The following SPECC1 variants were observed in gnomAD, a reference collection of about 807,000 sequenced individuals.
SPECC1 encodes the protein cytospin-B.
In SPECC1, 62 loss-of-function variants were observed where a neutral mutation model predicts 104.1. The observed-to-expected ratio is 0.60, with a 90% confidence interval of 0.49 to 0.74. The LOEUF is 0.74. Ranked by LOEUF, SPECC1 falls within the 30% of genes least tolerant of loss-of-function variation. SPECC1 has a pLI of 0.00. For missense variants in SPECC1, 1,306 were observed against 1,310.5 expected (o/e 1.00, Z 0.05); for synonymous variants, 513 against 501.6 (o/e 1.02, Z -0.30).
At chr17:20,015,826 C>T (rs1190904771) in intron 1 of SPECC1, among the ~76,000 whole-genome samples, 4 of 149,772 alleles carry the variant, frequency 2.7e-5, no homozygotes, top group African/African-American at 9.7e-5. Context: ...CCTCGTGATC[C>T]GCCCGCCTCG....
chr17:20,271,757 C>CCCCTTTGTTTTTTTTT lies in SPECC1; in HGVS notation c.2940+11485_2940+11500dup, dbSNP rs954676432. On this transcript the variant is annotated intron_variant, in intron 12 of 14. Transcript: ENST00000395527. The stretch of plus-strand genomic sequence containing the variant: ...TATCCTACATCCTATTCTTTTTTTT[C>CCCCTTTGTTTTTTTTT]CCCTTTGTTTTTTTTTCCCTTTGTT... Among the ~76,000 whole-genome samples, 4 of 151,644 alleles carry CCCCTTTGTTTTTTTTT rather than the reference C, an allele frequency of 2.6e-5. No individual in the cohort carries two copies. In the South Asian group the frequency reaches 6.3e-4, roughly 24 times the overall value.
chr17:20,075,756 G>A (rs2046735508), intron 1 of SPECC1, among the ~76,000 whole-genome samples: 1 of 151,990 alleles, frequency 6.6e-6, no homozygotes, highest in African/African-American at 2.4e-5. Context: ...GACCAGCCTG[G>A]GCAGCATAGT....
intron 12 of SPECC1, among the ~76,000 whole-genome samples, chr17:20,285,025 A>G (rs548115614): frequency 6.6e-5 from 10 of 152,336 alleles, no homozygotes; most frequent in African/African-American, 2.4e-4. Flanking sequence ...GAATGCAGCC[A>G]CGGAATCCAG....
intron 3 of SPECC1, among the ~76,000 whole-genome samples, chr17:20,181,282 A>G (rs2034868069): frequency 6.6e-6 from 1 of 152,112 alleles, no homozygotes; most frequent in Admixed American, 6.5e-5. Context: ...AGTACAAAAT[A>G]AAGAGAAAGG....
chr17:20,201,793 A>T (rs751023958), intron 3 of SPECC1, among the ~76,000 whole-genome samples: 1 of 152,218 alleles, frequency 6.6e-6, no homozygotes, highest in Non-Finnish European at 1.5e-5. Context: ...GACACCTATA[A>T]GTAAGGCTGA....
At chr17:20,103,906 GGAGGAGAAGGGGA>G (rs979246956) in intron 2 of SPECC1, among the ~76,000 whole-genome samples, 6 of 152,104 alleles carry the variant, frequency 3.9e-5, no homozygotes, top group African/African-American at 7.2e-5. Flanking sequence ...TGAGCTGGCT[GGAGGAGAAGGGGA>G]GAGGAGAAGG....
intron 1 of SPECC1, among the ~76,000 whole-genome samples, chr17:20,072,015 G>A (rs2046574290): frequency 6.6e-6 from 1 of 152,128 alleles, no homozygotes; most frequent in African/African-American, 2.4e-5. Context: ...AACTAGTGGA[G>A]CTGCCAATCA....
At chr17:20,035,448 TGA>T (rs2045031700) in intron 1 of SPECC1, among the ~76,000 whole-genome samples, 1 of 152,118 alleles carries the variant, frequency 6.6e-6, no homozygotes, top group Non-Finnish European at 1.5e-5. Flanking sequence ...AAGTCTTCTT[TGA>T]TTTCTTTTAT....
intron 1 of SPECC1, among the ~76,000 whole-genome samples, chr17:20,025,014 G>A (rs768731517): frequency 6.6e-5 from 10 of 152,180 alleles, no homozygotes; most frequent in Non-Finnish European, 1.3e-4. Context: ...CATAGGAAAA[G>A]CGGACATTAA....
At chr17:20,016,713 C>T (rs1198351483) in intron 1 of SPECC1, among the ~76,000 whole-genome samples, 1 of 152,238 alleles carries the variant, frequency 6.6e-6, no homozygotes, top group Non-Finnish European at 1.5e-5. Context: ...CCACCCCCAC[C>T]TCCTGGGCTC....
intron 3 of SPECC1, among the ~76,000 whole-genome samples, chr17:20,164,065 T>C (rs2033418139): frequency 6.6e-6 from 1 of 152,246 alleles, no homozygotes; most frequent in Non-Finnish European, 1.5e-5. Context: ...ACTACTTGTC[T>C]GATTCTTTTG....
intron 12 of SPECC1, among the ~76,000 whole-genome samples, chr17:20,278,954 C>T (rs148770063): frequency 6.6e-6 from 1 of 152,304 alleles, no homozygotes; most frequent in Admixed American, 6.5e-5. Context: ...GTCTTCTTTC[C>T]TCCCATGGGC....
chr17:20,199,705 G>A (rs1430162031), intron 3 of SPECC1, among the ~76,000 whole-genome samples: 1 of 152,130 alleles, frequency 6.6e-6, no homozygotes, highest in Admixed American at 6.5e-5. Context: ...TCTCCATAAT[G>A]GTTGTACTGA....
At chr17:20,121,305 G>T (rs2049017345) in intron 3 of SPECC1, among the ~76,000 whole-genome samples, 1 of 151,800 alleles carries the variant, frequency 6.6e-6, no homozygotes, top group African/African-American at 2.4e-5. Flanking sequence ...TTTTCTAATT[G>T]GTTTTATTTC....
At chr17:20,256,039 G>A (rs899699631) in intron 10 of SPECC1, among the ~76,000 whole-genome samples, 4 of 151,906 alleles carry the variant, frequency 2.6e-5, no homozygotes, top group South Asian at 2.1e-4. Context: ...CACCATGCCC[G>A]GCTAATTTTT....
At chr17:20,237,106 C>G in intron 7 of SPECC1, 1 of 1,397,038 alleles carries the variant, frequency 7.2e-7, no homozygotes, top group Non-Finnish European at 9.3e-7. Context: ...TGATGTTTCC[C>G]TCTTTTTACT....
At chr17:20,249,745 A>C (rs1334016926) in intron 9 of SPECC1, among the ~76,000 whole-genome samples, 1 of 152,206 alleles carries the variant, frequency 6.6e-6, no homozygotes, top group Non-Finnish European at 1.5e-5. Context: ...AAGACAAGTC[A>C]GTATAAATAT....
intron 1 of SPECC1, among the ~76,000 whole-genome samples, chr17:20,042,509 G>T (rs1287071479): frequency 1.3e-5 from 2 of 152,202 alleles, no homozygotes; most frequent in Non-Finnish European, 2.9e-5. Context: ...CTGCTGGCGG[G>T]TGAGGGATGG....
intron 3 of SPECC1, among the ~76,000 whole-genome samples, chr17:20,147,094 T>A (rs1207210781): frequency 6.6e-6 from 1 of 151,430 alleles, no homozygotes. Flanking sequence ...TTTTTTTTTT[T>A]TTTTTTGAGA....
Sources: gnomAD v4.1 joint callset for allele counts (sites outside exome capture counted in the v4.1 genomes callset) on GRCh38, gnomAD v4.1.1 for gene constraint, MANE v1.5 for transcripts, NCBI Gene and HGNC (gene_info 2026-07-23, HGNC 2026-07-21) for gene names.